Variants in LYZL1 observed in about 807,000 individuals in gnomAD.
The protein encoded by LYZL1 is lysozyme like 1.
Under a neutral mutation model 17.9 loss-of-function variants are expected in LYZL1, and 16 were observed. The ratio of observed to expected loss-of-function variants is 0.90; its 90% CI spans 0.61 to 1.36. The LOEUF (loss-of-function observed/expected upper bound fraction) is 1.36, where lower values mean the gene tolerates loss of function less well. Among genes scored for constraint, LYZL1 ranks in the 40% most tolerant of loss-of-function variants. The pLI is 0.00. For missense variants in LYZL1, 149 were observed against 188.4 expected (o/e 0.79, Z 1.22); for synonymous variants, 58 against 71.8 (o/e 0.81, Z 0.97).
chr10:29,302,672 T>C (rs1835536942), intron 3 of LYZL1, among the ~76,000 whole-genome samples: 1 of 152,200 alleles, frequency 6.6e-6, no homozygotes, highest in African/African-American at 2.4e-5. Flanking sequence ...CAGGGGAAAT[T>C]CCCTTCTGGA....
chr10:29,311,838 C>T (rs1314269434), downstream of LYZL1, among the ~76,000 whole-genome samples: 1 of 151,808 alleles, frequency 6.6e-6, no homozygotes, highest in Non-Finnish European at 1.5e-5. Context: ...ATTAGCCGGG[C>T]GTGGTGGTGC....
chr10:29,314,790 A>C (rs74131349), downstream of LYZL1, among the ~76,000 whole-genome samples: 12,502 of 152,154 alleles, frequency 0.082, 602 homozygotes, highest in South Asian at 0.14. Flanking sequence ...GGGAATGAAA[A>C]CTTCACTCCA....
At chr10:29,297,362 G>A (rs926238533) in intron 3 of LYZL1, among the ~76,000 whole-genome samples, 3 of 152,182 alleles carry the variant, frequency 2.0e-5, no homozygotes, top group African/African-American at 7.2e-5. Flanking sequence ...GAACTAAAGA[G>A]CATGTGATTT....
At chr10:29,307,735 G>C (rs2132834453) in intron 3 of LYZL1, among the ~76,000 whole-genome samples, 1 of 152,240 alleles carries the variant, frequency 6.6e-6, no homozygotes, top group African/African-American at 2.4e-5. Flanking sequence ...TGATTATGAG[G>C]CAATTGGATT....
intron 3 of LYZL1, among the ~76,000 whole-genome samples, chr10:29,303,489 C>T (rs1000447530): frequency 6.6e-6 from 1 of 152,118 alleles, no homozygotes; most frequent in Non-Finnish European, 1.5e-5. Flanking sequence ...GTGACTCCAT[C>T]GTGGTCATGT....
chr10:29,300,187 T>C (rs1383249864), intron 3 of LYZL1, among the ~76,000 whole-genome samples: 1 of 152,214 alleles, frequency 6.6e-6, no homozygotes, highest in Non-Finnish European at 1.5e-5. Context: ...TGCTATTCTG[T>C]TTTCTGTTTA....
chr10:29,295,528 G>A (rs1835435806), intron 3 of LYZL1, among the ~76,000 whole-genome samples: 1 of 152,138 alleles, frequency 6.6e-6, no homozygotes, highest in Non-Finnish European at 1.5e-5. Flanking sequence ...ACCTCCCATG[G>A]TGGGCTGAGT....
At chr10:29,304,402 A>T (rs1441517664) in intron 3 of LYZL1, among the ~76,000 whole-genome samples, 1 of 152,136 alleles carries the variant, frequency 6.6e-6, no homozygotes, top group African/African-American at 2.4e-5. Context: ...GGCCTTTGTC[A>T]TCTCACAGGG....
Position 29,302,654 on chromosome 10 carries a change from G to A in LYZL1, c.299-7456G>A, listed in dbSNP as rs559260619. ...GGACAGGTAAAGTCAAAATGCGCAT[G>A]TTCCCTACAGGGGAAATTCCCTTCT... is the stretch of plus-strand genomic sequence containing the variant. On this transcript the variant is annotated intron_variant, in intron 3 of 4. Transcript: ENST00000649382. 1.3e-4 allele frequency among the ~76,000 whole-genome samples: 20 copies of A among 152,322 alleles called. No homozygotes were observed. In the South Asian group the frequency reaches 4.1e-3, roughly 32 times the overall value.
intron 3 of LYZL1, among the ~76,000 whole-genome samples, chr10:29,308,784 C>A (rs1232131147): frequency 6.6e-6 from 1 of 151,960 alleles, no homozygotes; most frequent in Non-Finnish European, 1.5e-5. Flanking sequence ...CATGGTGAAA[C>A]CTTCTCTCTG....
downstream of LYZL1, among the ~76,000 whole-genome samples, chr10:29,315,770 G>A (rs1403945849): frequency 6.6e-6 from 1 of 151,506 alleles, no homozygotes; most frequent in African/African-American, 2.4e-5. Flanking sequence ...GATCACTTGA[G>A]CCTTGAAGGT....
At chr10:29,308,470 C>T (rs1835626214) in intron 3 of LYZL1, among the ~76,000 whole-genome samples, 1 of 152,142 alleles carries the variant, frequency 6.6e-6, no homozygotes. Context: ...TATCTAGCAC[C>T]TCAAACCCAT....
At chr10:29,298,594 G>A (rs7072256) in intron 3 of LYZL1, among the ~76,000 whole-genome samples, 25,129 of 152,020 alleles carry the variant, frequency 0.17, 2,260 homozygotes, top group African/African-American at 0.24. Context: ...TCACAAAACC[G>A]TAGGAAAACA....
In LYZL1 at chr10:29,291,823, G is replaced by C. The variant is rs1399621338; in HGVS notation, c.-25-20G>C. 1 of 1,546,912 alleles carries C rather than the reference G, an allele frequency of 6.5e-7. No homozygotes were observed. On this transcript the variant is annotated intron_variant, in intron 1 of 4. Coordinates refer to ENST00000649382, the MANE Select transcript of LYZL1 (RefSeq NM_032517.6). ...TTCCTGAACCAAGATCGTCTGACCTGTTCTCCGGCTCTTTGGCAGGTTCTG... is the reference window on the plus strand; with the variant it reads ...TTCCTGAACCAAGATCGTCTGACCTCTTCTCCGGCTCTTTGGCAGGTTCTG...
chr10:29,305,604 A>G (rs1835578710), intron 3 of LYZL1, among the ~76,000 whole-genome samples: 1 of 152,248 alleles, frequency 6.6e-6, no homozygotes, highest in South Asian at 2.1e-4. Flanking sequence ...TGAAATATTT[A>G]TATGTCAAGA....
downstream of LYZL1, among the ~76,000 whole-genome samples, chr10:29,311,523 C>T (rs1482779537): frequency 6.6e-6 from 1 of 152,004 alleles, no homozygotes; most frequent in African/African-American, 2.4e-5. Flanking sequence ...ACCCACAAGC[C>T]TAGACACCAT....
At chr10:29,316,729 T>A (rs1835737539) in intron 3 of LYZL1, among the ~76,000 whole-genome samples, 1 of 151,202 alleles carries the variant, frequency 6.6e-6, no homozygotes, top group South Asian at 2.1e-4. Flanking sequence ...CTTTTTTTTT[T>A]AGAGGCAATG....
chr10:29,308,946 C>G (rs561782790), intron 3 of LYZL1, among the ~76,000 whole-genome samples: 1 of 152,244 alleles, frequency 6.6e-6, no homozygotes, highest in East Asian at 1.9e-4. Flanking sequence ...GCCTGGGTGA[C>G]AGAGTGAGAT....
intron 1 of LYZL1, among the ~76,000 whole-genome samples, chr10:29,290,715 T>C (rs1430064030): frequency 6.6e-6 from 1 of 151,964 alleles, no homozygotes; most frequent in African/African-American, 2.4e-5. Flanking sequence ...GGTGGGCGCC[T>C]GTAATCCCAG....
Sources: gnomAD v4.1 joint callset for allele counts (sites outside exome capture counted in the v4.1 genomes callset) on GRCh38, gnomAD v4.1.1 for gene constraint, MANE v1.5 for transcripts, NCBI Gene and HGNC (gene_info 2026-07-23, HGNC 2026-07-21) for gene names.